Variants in ANO2 observed in about 807,000 individuals in gnomAD.
ANO2 encodes the protein anoctamin-2.
A neutral mutation model predicts 124.2 loss-of-function variants in ANO2; 101 were observed. That is an observed-to-expected ratio of 0.81 (90% CI 0.69 to 0.96). The LOEUF is 0.96. ANO2 is among the 40% of genes least tolerant of loss of function. The pLI, the probability that ANO2 is intolerant of heterozygous loss-of-function variation, is 0.00. For synonymous variants in ANO2, 486 were observed against 482.5 expected (o/e 1.01, Z -0.09); for missense variants, 1,293 against 1,274.5 (o/e 1.01, Z -0.22).
At chr12:5,807,778 G>C (rs1180022758) in intron 7 of ANO2, among the ~76,000 whole-genome samples, 2 of 152,176 alleles carry the variant, frequency 1.3e-5, no homozygotes, top group African/African-American at 2.4e-5. Flanking sequence ...GCTCCTTCCT[G>C]CTGTTTCACA....
intron 10 of ANO2, among the ~76,000 whole-genome samples, chr12:5,781,839 T>A (rs993140862): frequency 1.3e-5 from 2 of 152,210 alleles, no homozygotes; most frequent in Non-Finnish European, 2.9e-5. Flanking sequence ...TCTCAATTCT[T>A]TAAAATCATT....
chr12:5,800,170 A>C (rs1952996160), intron 9 of ANO2, among the ~76,000 whole-genome samples: 1 of 152,168 alleles, frequency 6.6e-6, no homozygotes. Flanking sequence ...CCCAGGCAGG[A>C]CAGTCTTCTT....
intron 7 of ANO2, among the ~76,000 whole-genome samples, chr12:5,823,350 G>C (rs1329042917): frequency 6.6e-6 from 1 of 152,216 alleles, no homozygotes; most frequent in Non-Finnish European, 1.5e-5. Flanking sequence ...AAGCATGCTA[G>C]TTACTTCCGA....
chr12:5,744,340 G>A, intron 11 of ANO2, 23 bp from the exon 12 acceptor site: 4 of 1,613,316 alleles, frequency 2.5e-6, no homozygotes, highest in Non-Finnish European at 3.4e-6. Flanking sequence ...GAGGTTGTTG[G>A]GTCAGGTGGA....
intron 14 of ANO2, among the ~76,000 whole-genome samples, chr12:5,698,000 G>A (rs1949256281): frequency 1.3e-5 from 2 of 152,240 alleles, no homozygotes; most frequent in Non-Finnish European, 2.9e-5. Context: ...AAGGAGGCCT[G>A]CCTGCCTCTG....
At chr12:5,844,037 A>C (rs940236594) in intron 4 of ANO2, among the ~76,000 whole-genome samples, 1 of 152,206 alleles carries the variant, frequency 6.6e-6, no homozygotes, top group South Asian at 2.1e-4. Context: ...AGGTAATATC[A>C]GCTCGGGCTG....
At chr12:5,747,748 A>T (rs1951311209) in intron 11 of ANO2, among the ~76,000 whole-genome samples, 1 of 152,172 alleles carries the variant, frequency 6.6e-6, no homozygotes, top group South Asian at 2.1e-4. Flanking sequence ...ATGAATACTA[A>T]TATTTATTGC....
intron 19 of ANO2, among the ~76,000 whole-genome samples, chr12:5,611,838 G>A (rs1250701153): frequency 6.6e-6 from 1 of 151,986 alleles, no homozygotes; most frequent in Non-Finnish European, 1.5e-5. Flanking sequence ...AGTGATTTTC[G>A]AAGAACCCTG....
chr12:5,929,806 T>C (rs1006501801), intron 1 of ANO2, among the ~76,000 whole-genome samples: 1 of 147,266 alleles, frequency 6.8e-6, no homozygotes, highest in Admixed American at 6.7e-5. Context: ...TCTTTCCTTA[T>C]TAGTCACTTT....
At chr12:5,597,471 G>A (rs1368022346) in intron 20 of ANO2, among the ~76,000 whole-genome samples, 2 of 152,096 alleles carry the variant, frequency 1.3e-5, no homozygotes, top group Admixed American at 1.3e-4. Flanking sequence ...AGTGTACTAC[G>A]TTTTCTTTAC....
At chr12:5,713,044 G>T (rs1411622667) in intron 14 of ANO2, among the ~76,000 whole-genome samples, 1 of 152,208 alleles carries the variant, frequency 6.6e-6, no homozygotes, top group Non-Finnish European at 1.5e-5. Flanking sequence ...ATTCTGGATG[G>T]ATACCTCTGA....
At chr12:5,633,673 C>G (rs192434998) in intron 16 of ANO2, among the ~76,000 whole-genome samples, 1 of 152,176 alleles carries the variant, frequency 6.6e-6, no homozygotes. Flanking sequence ...CGTAGAGCCC[C>G]GGCACCGGGC....
chr12:5,671,775 T>C (rs1036328829), intron 14 of ANO2, among the ~76,000 whole-genome samples: 5 of 152,232 alleles, frequency 3.3e-5, no homozygotes, highest in African/African-American at 1.2e-4. Flanking sequence ...ATTTTCTTTA[T>C]GATGACCATA....
rs557770456 is a variant in ANO2, at chr12:5,646,768, C to G, written c.1620+959G>C. Among the ~76,000 whole-genome samples the G allele has an allele frequency of 1.3e-4, 20 of 152,294 alleles. 1 individual carries two copies. The East Asian group carries it at 3.7e-3, about 28-fold the overall frequency. ...TAAACTTTGGCAAGGCACCCATCAA[C>G]TCTGTACTTCATCTGAAAAATGAGG... On this transcript the variant is annotated intron_variant, in intron 15 of 24. Coordinates refer to ENST00000682330, the MANE Select transcript of ANO2 (RefSeq NM_001364791.2).
At chr12:5,768,863 C>G (rs1951980954) in intron 10 of ANO2, among the ~76,000 whole-genome samples, 1 of 152,188 alleles carries the variant, frequency 6.6e-6, no homozygotes, top group African/African-American at 2.4e-5. Flanking sequence ...TTCTTAAGAA[C>G]TGGGGAATTC....
chr12:5,870,677 T>C (rs1202599905), intron 3 of ANO2, among the ~76,000 whole-genome samples: 1 of 152,248 alleles, frequency 6.6e-6, no homozygotes, highest in African/African-American at 2.4e-5. Flanking sequence ...TTTCTTGTCT[T>C]CTTTCCTTAA....
intron 1 of ANO2, among the ~76,000 whole-genome samples, chr12:5,937,059 T>G (rs1473012795): frequency 1.3e-5 from 2 of 152,346 alleles, no homozygotes; most frequent in South Asian, 2.1e-4. Flanking sequence ...GTGATTTTAC[T>G]TCTTTCAGTA....
chr12:5,775,461 C>CT (rs369913885), intron 10 of ANO2, among the ~76,000 whole-genome samples: 16,957 of 132,678 alleles, frequency 0.13, 1,510 homozygotes, highest in African/African-American at 0.23. Flanking sequence ...ACCATCAATC[C>CT]TTTTTTTTTT....
intron 16 of ANO2, among the ~76,000 whole-genome samples, chr12:5,617,880 C>T (rs528507306): frequency 2.6e-5 from 4 of 152,328 alleles, no homozygotes; most frequent in Non-Finnish European, 4.4e-5. Context: ...CCCACACCCA[C>T]GCCCTTTGAA....
Sources: allele counts gnomAD v4.1 joint callset (sites outside exome capture counted in the v4.1 genomes callset), GRCh38; gene constraint gnomAD v4.1.1; transcripts MANE v1.5; gene names NCBI Gene and HGNC (gene_info 2026-07-23, HGNC 2026-07-21).